The following PCDHA5 variants were observed in gnomAD, a reference collection of about 807,000 sequenced individuals.
The protein encoded by PCDHA5 is protocadherin alpha 5.
In PCDHA5, 43 loss-of-function variants were observed where a neutral mutation model predicts 61.6. That is an observed-to-expected ratio of 0.70 (90% CI 0.55 to 0.90). The LOEUF (loss-of-function observed/expected upper bound fraction) is 0.90. Among genes scored for constraint, PCDHA5 ranks in the 40% least tolerant of loss-of-function variants. PCDHA5 has a pLI of 0.00. For missense variants in PCDHA5, 1,298 were observed against 1,222.7 expected, an observed-to-expected ratio of 1.06 and a Z score of -0.92; for synonymous variants, 627 against 543.9, an observed-to-expected ratio of 1.15 and a Z score of -2.13.
At chr5:140,853,355 C>G (rs1554146557) in intron 1 of PCDHA5, 1 of 981,160 alleles carries the variant, frequency 1.0e-6, no homozygotes, top group African/African-American at 1.8e-5. Context: ...CATGAACTCA[C>G]AGGGATCCAG....
intron 1 of PCDHA5, chr5:140,968,630 TA>T: frequency 6.2e-7 from 1 of 1,614,192 alleles, no homozygotes; most frequent in Non-Finnish European, 8.5e-7. Flanking sequence ...TTGGCTTTTT[TA>T]CCATCTAGCC....
intron 1 of PCDHA5, among the ~76,000 whole-genome samples, chr5:140,908,772 A>G (rs2074146123): frequency 6.6e-6 from 1 of 152,144 alleles, no homozygotes; most frequent in East Asian, 1.9e-4. Flanking sequence ...CGTGTTGTAG[A>G]GTCTTCTCCT....
intron 1 of PCDHA5, among the ~76,000 whole-genome samples, chr5:140,901,267 T>G (rs2153472974): frequency 6.6e-6 from 1 of 152,344 alleles, no homozygotes; most frequent in East Asian, 1.9e-4. Context: ...TTGTGGGGTA[T>G]TACTCAAGAA....
chr5:140,822,171 C>G lies in PCDHA5; in HGVS notation c.396C>G (p.Phe132Leu). ...ACATCAATGACAATCCGCCCAGGTT[C>G]TCCAGACAAGAACAAAGATTATTCA... The part of the protein sequence containing the change: ...VKDINDNPPR[F>L]SRQEQRLFIL... Residue 132 changes from phenylalanine to leucine, a missense_variant, in exon 1 of 4, where the codon TTC (phenylalanine) becomes TTG (leucine). Physicochemically the swap from Phe to Leu is conservative, Grantham distance 22 (BLOSUM62 0). Coordinates refer to ENST00000529859, the MANE Select transcript of PCDHA5 (RefSeq NM_018908.3). 6.2e-7 allele frequency: 1 copy of G among 1,614,246 alleles called. No homozygotes were observed. The highest frequency in any genetic ancestry group is 8.5e-7 in the Non-Finnish European group (1 of 1,180,046).
intron 1 of PCDHA5, chr5:140,876,262 C>A (rs1554168436): frequency 6.2e-7 from 1 of 1,614,012 alleles, no homozygotes. Context: ...AGTGATCCAA[C>A]TAAATGCTTC....
chr5:140,966,599 C>T, intron 1 of PCDHA5: 1 of 631,096 alleles, frequency 1.6e-6, no homozygotes, highest in Non-Finnish European at 2.4e-6. Context: ...GGCCAGGAGC[C>T]CTTGGGAGGG....
chr5:140,999,044 T>TTTC (rs1247197667), intron 3 of PCDHA5, among the ~76,000 whole-genome samples: 1 of 152,342 alleles, frequency 6.6e-6, no homozygotes, highest in East Asian at 1.9e-4. Flanking sequence ...TCCAGTGTGC[T>TTTC]TTCCACCATG....
chr5:140,943,257 C>CA (rs1238620023), intron 1 of PCDHA5, among the ~76,000 whole-genome samples: 3,333 of 76,804 alleles, frequency 0.043, 169 homozygotes, highest in Admixed American at 0.1. Context: ...GACTCTGTCT[C>CA]AAAAAAAAAA....
At position 140,884,316 on chromosome 5, in the gene PCDHA5, C is replaced by T. The variant is rs563652109; in HGVS notation, c.2352+60189C>T. The T allele has an allele frequency of 3.1e-6, 5 of 1,613,752 alleles. No individual in the cohort carries two copies. The East Asian group carries it at 8.9e-5, about 29-fold the overall frequency. On this transcript the variant is annotated intron_variant, in intron 1 of 3. Coordinates refer to ENST00000529859, the MANE Select transcript of PCDHA5 (RefSeq NM_018908.3). ...GCGCCACAGGCTTCGTCGAGGGCGT[C>T]GGCAGGCGCTGTGGGTCCAGAAGCG...
At chr5:140,871,466 A>T in intron 1 of PCDHA5, 1 of 1,603,050 alleles carries the variant, frequency 6.2e-7, no homozygotes. Flanking sequence ...GGGGAAAGAC[A>T]GGAGCCAGGG....
chr5:140,876,165 C>T (rs782073467), intron 1 of PCDHA5: 4 of 1,613,944 alleles, frequency 2.5e-6, no homozygotes, highest in Admixed American at 1.7e-5. Flanking sequence ...TTCAAATAAC[C>T]GTCCTGGATG....
chr5:140,926,349 G>A (rs1405832516), intron 1 of PCDHA5: 2 of 152,260 alleles, frequency 1.3e-5, no homozygotes, highest in Admixed American at 1.3e-4. Flanking sequence ...CCCGACGCGC[G>A]GCTCCCAAAG....
intron 1 of PCDHA5, chr5:140,967,346 G>C (rs1332345482): frequency 6.2e-7 from 1 of 1,607,970 alleles, no homozygotes; most frequent in Non-Finnish European, 8.5e-7. Context: ...CGAGCACTTC[G>C]AGCTGGACCT....
chr5:140,873,634 G>C (rs1040264226), intron 1 of PCDHA5, among the ~76,000 whole-genome samples: 1 of 152,158 alleles, frequency 6.6e-6, no homozygotes, highest in Non-Finnish European at 1.5e-5. Flanking sequence ...AGGTCAAAGA[G>C]TATGTGAGAA....
chr5:140,844,840 G>A lies in PCDHA5; in HGVS notation c.2352+20713G>A, dbSNP rs2150374183. 8.0e-5 allele frequency among the ~76,000 whole-genome samples: 12 copies of A among 149,088 alleles called. No homozygotes were observed. In the East Asian group the frequency reaches 1.9e-3, roughly 24 times the overall value. On this transcript the variant is annotated intron_variant, in intron 1 of 3. Transcript: ENST00000529859. ...TTGTCTTTTTACACGTTTGCTTCTT[G>A]TGACTGTTGGACCTGCCTGGATATT...
chr5:140,830,190 T>C, intron 1 of PCDHA5: 1 of 1,613,680 alleles, frequency 6.2e-7, no homozygotes, highest in Non-Finnish European at 8.5e-7. Context: ...AACGTGTACC[T>C]GATCATCGCC....
At chr5:140,844,971 G>A (rs2150375443) in intron 1 of PCDHA5, among the ~76,000 whole-genome samples, 3 of 149,220 alleles carry the variant, frequency 2.0e-5, no homozygotes, top group Admixed American at 6.7e-5. Context: ...TTTGTTATTA[G>A]TATTGTTTTA....
chr5:140,884,371 C>T, intron 1 of PCDHA5: 2 of 1,613,948 alleles, frequency 1.2e-6, no homozygotes, highest in Non-Finnish European at 1.7e-6. Flanking sequence ...TTTACTTGAT[C>T]ATTGCCATCT....
intron 1 of PCDHA5, chr5:140,828,976 A>C: frequency 4.3e-6 from 7 of 1,614,178 alleles, no homozygotes; most frequent in Non-Finnish European, 4.2e-6. Context: ...ACTTTAGCAT[A>C]GATCGAAATA....
Sources: allele counts gnomAD v4.1 joint callset (sites outside exome capture counted in the v4.1 genomes callset), GRCh38; gene constraint gnomAD v4.1.1; transcripts MANE v1.5; gene names NCBI Gene and HGNC (gene_info 2026-07-23, HGNC 2026-07-21).